ARL2: variants seen among roughly 807,000 people sequenced by gnomAD.
ARL2 encodes the protein ADP-ribosylation factor-like protein 2.
In ARL2, 11 loss-of-function variants were observed where a neutral mutation model predicts 22.0. That is an observed-to-expected ratio of 0.50 (90% CI 0.31 to 0.83). The LOEUF is 0.83. Ranked by LOEUF, ARL2 falls within the 40% of genes least tolerant of loss-of-function variation. The pLI, the probability that ARL2 is intolerant of heterozygous loss-of-function variation, is 0.04. For synonymous variants in ARL2, 111 were observed against 100.8 expected (o/e 1.10, Z -0.61); for missense variants, 216 against 243.2 (o/e 0.89, Z 0.74).
rs372463350 is a variant in ARL2 at position 65,021,836 on chromosome 11, G to T, written c.536G>T (p.Arg179Leu). ...TGGCTCCTGGATGACATTTCCAGCCGCATTTTCACAGCTGACTGAACCACT... is the reference window on the plus strand; with the variant it reads ...TGGCTCCTGGATGACATTTCCAGCCTCATTTTCACAGCTGACTGAACCACT... ...IDWLLDDISS[R>L]IFTAD Residue 179 changes from arginine (R) to leucine (L), a missense_variant, in exon 5 of 5, where the codon CGC becomes CTC. Arg to Leu is a moderately radical substitution (Grantham distance 102, BLOSUM62 -2). Transcript: ENST00000246747. 33 of 1,612,898 alleles carry T rather than the reference G, an allele frequency of 2.0e-5. No individual in the cohort carries two copies. Among genetic ancestry groups the T allele is most frequent in the Middle Eastern group, 3.3e-4 (2 of 6,076 alleles).
At chr11:65,016,036 G>T (rs917856501) in intron 1 of ARL2, among the ~76,000 whole-genome samples, 1 of 151,856 alleles carries the variant, frequency 6.6e-6, no homozygotes. Context: ...GTGAAATCCC[G>T]TCTCTACTGA....
At chr11:65,021,570 C>T in intron 4 of ARL2, 151 bp from the exon 5 acceptor site, 1 of 1,001,376 alleles carries the variant, frequency 1.0e-6, no homozygotes, top group Non-Finnish European at 1.4e-6. Context: ...GACAAACTCT[C>T]CCTGGGACCG....
intron 1 of ARL2, among the ~76,000 whole-genome samples, chr11:65,017,361 G>A (rs4081424): frequency 0.14 from 21,757 of 151,814 alleles, 3,275 homozygotes; most frequent in African/African-American, 0.39. Flanking sequence ...ACGCCTGGCT[G>A]ATTTTTGTAG....
intron 4 of ARL2, 81 bp downstream of exon 4, chr11:65,020,580 C>G (rs944725596): frequency 7.1e-7 from 1 of 1,401,556 alleles, no homozygotes; most frequent in Non-Finnish European, 9.7e-7. Flanking sequence ...TTAAAAATAA[C>G]CAAAAAGGCT....
In ARL2 at chr11:65,014,357, G is replaced by T. The variant is rs964745078; in HGVS notation, c.65+85G>T. 5.1e-6 allele frequency: 6 copies of T among 1,179,556 alleles called. No individual in the cohort carries two copies. The African/African-American group carries it at 9.9e-5, about 19-fold the overall frequency. 73.1% of individuals were successfully genotyped at this position (1,179,556 alleles called of 1,614,324 possible). A position where few individuals can be genotyped will look rare whatever the true frequency, so the allele number is the denominator to read the frequency against. ...GGGCGCCCCCTGTCGGGAGCGGAAC[G>T]CGGCGGCCGGCGCGTCCCAACTGCC... On this transcript the variant is annotated intron_variant, in intron 1 of 4. Coordinates refer to ENST00000246747, the MANE Select transcript of ARL2 (RefSeq NM_001667.4).
Position 65,021,989 on chromosome 11 carries a change from G to A in ARL2, c.*134G>A, listed in dbSNP as rs1946334200. ...ACCCCAGCCTGCTGCTGCTACTGCT[G>A]CCCGCTGCTGCTCTGTGGCCACCCG... On this transcript the variant is annotated 3_prime_UTR_variant, in exon 5 of 5. Transcript: ENST00000246747. The A allele has an allele frequency of 2.3e-6, 3 of 1,322,122 alleles. No individual in the cohort carries two copies. Among genetic ancestry groups the A allele is most frequent in the Non-Finnish European group, 2.1e-6 (2 of 972,242 alleles). The allele number at this position is 1,322,122 out of a possible 1,614,324, so 81.9% of individuals were successfully genotyped here. A position where few individuals can be genotyped will look rare whatever the true frequency, so the allele number is the denominator to read the frequency against.
intron 4 of ARL2, among the ~76,000 whole-genome samples, chr11:65,020,742 G>A (rs1272372840): frequency 1.3e-5 from 2 of 152,034 alleles, no homozygotes; most frequent in Admixed American, 6.6e-5. Context: ...AGTGGCGTGC[G>A]CCTGTAAGCC....
At chr11:65,016,502 G>A (rs934036992) in intron 1 of ARL2, among the ~76,000 whole-genome samples, 3 of 152,126 alleles carry the variant, frequency 2.0e-5, no homozygotes, top group Non-Finnish European at 2.9e-5. Context: ...TGACGCAGGC[G>A]AGATAGGATG....
rs1382839220 is a variant in ARL2, at chr11:65,018,330, AAC to A, written c.66-32_66-31del. On this transcript the variant is annotated intron_variant, in intron 1 of 4. Transcript: ENST00000246747. The surrounding 1 kb of genome is among the most constrained non-coding windows in gnomAD (Gnocchi z 4.2). ...GCAACAATGTCACCACCTGGCAGAG[AAC>A]AGGGACTTCTCCTTAACCTGCTGCG... The A allele has an allele frequency of 6.5e-7, 1 of 1,546,828 alleles. No homozygotes were observed. The highest frequency in any genetic ancestry group is 1.4e-5 in the African/African-American group (1 of 73,976).
chr11:65,021,562 C>G, intron 4 of ARL2, 159 bp from the exon 5 acceptor site: 2 of 929,590 alleles, frequency 2.2e-6, no homozygotes, highest in East Asian at 5.4e-5. Flanking sequence ...TGGGGTCTGA[C>G]AAACTCTCCC....
At chr11:65,016,271 G>A (rs993322946) in intron 1 of ARL2, among the ~76,000 whole-genome samples, 12 of 145,368 alleles carry the variant, frequency 8.3e-5, no homozygotes, top group South Asian at 2.4e-4. Context: ...AGCAATTCGG[G>A]GGGGGGGGAA....
At chr11:65,017,912 T>C (rs1161903165) in intron 1 of ARL2, among the ~76,000 whole-genome samples, 1 of 152,210 alleles carries the variant, frequency 6.6e-6, no homozygotes, top group African/African-American at 2.4e-5. Context: ...GCTTGCTCCT[T>C]GTATTTTGGG....
Position 65,021,869 on chromosome 11 carries a change from C to G in ARL2, c.*14C>G. On this transcript the variant is annotated 3_prime_UTR_variant, in exon 5 of 5. Transcript: ENST00000246747. Reference sequence around the variant, plus strand: ...ACAGCTGACTGAACCACTCCAGATGCCCCCCACCTAGCAGTCCAGGTCCCT... The same window carrying G: ...ACAGCTGACTGAACCACTCCAGATGGCCCCCACCTAGCAGTCCAGGTCCCT... 1 of 1,608,276 alleles carries G rather than the reference C, an allele frequency of 6.2e-7. No individual in the cohort carries two copies. The highest frequency in any genetic ancestry group is 8.5e-7 in the Non-Finnish European group (1 of 1,177,886).
At chr11:65,016,641 CCCTGTGTGTG>C (rs1000117241) in intron 1 of ARL2, among the ~76,000 whole-genome samples, 5 of 151,818 alleles carry the variant, frequency 3.3e-5, no homozygotes, top group Admixed American at 2.0e-4. Flanking sequence ...GAGATGAGAA[CCCTGTGTGTG>C]CCTGTGTGTG....
chr11:65,021,502 C>T, intron 4 of ARL2: 1 of 495,242 alleles, frequency 2.0e-6, no homozygotes, highest in Non-Finnish European at 3.6e-6. Flanking sequence ...GCATTTACAT[C>T]ACTAAGGGGC....
At position 65,020,526 on chromosome 11, in the gene ARL2, G is replaced by A. The variant is rs368433913; in HGVS notation, c.420+27G>A. On this transcript the variant is annotated intron_variant, in intron 4 of 4. Coordinates refer to ENST00000246747, the MANE Select transcript of ARL2 (RefSeq NM_001667.4). ...TGAGTCCAGGCCCCGGGACAGGCTC[G>A]CTGAGGGAAAGGGGCATACATTTAT... 111 of 1,574,380 alleles carry A rather than the reference G, an allele frequency of 7.1e-5. No individual in the cohort carries two copies. In the African/African-American group the frequency reaches 1.2e-3, roughly 17 times the overall value.
chr11:65,020,316 A>T (rs887997483), intron 3 of ARL2, 103 bp from the exon 4 acceptor site: 2 of 991,738 alleles, frequency 2.0e-6, no homozygotes, highest in African/African-American at 3.2e-5. Context: ...CCTCACCTTG[A>T]TCTTCCAGGT....
At chr11:65,014,430 G>A (rs1946223586) in intron 1 of ARL2, among the ~76,000 whole-genome samples, 158 bp downstream of exon 1, 3 of 152,186 alleles carry the variant, frequency 2.0e-5, no homozygotes, top group Non-Finnish European at 4.4e-5. Flanking sequence ...CGGGCCGGGA[G>A]GAGCCGCACC....
At chr11:65,020,299 CA>C in intron 3 of ARL2, 119 bp from the exon 4 acceptor site, 1 of 839,294 alleles carries the variant, frequency 1.2e-6, no homozygotes, top group South Asian at 1.5e-5. Flanking sequence ...CTCCCACCAC[CA>C]CGGGGCCTCA....
Sources: allele counts gnomAD v4.1 joint callset (sites outside exome capture counted in the v4.1 genomes callset), GRCh38; gene constraint gnomAD v4.1.1; non-coding constraint Gnocchi (gnomAD v3.1); transcripts MANE v1.5; gene names NCBI Gene and HGNC (gene_info 2026-07-23, HGNC 2026-07-21).